Variants in FGF14 observed in about 807,000 individuals in gnomAD.
FGF14 encodes the protein fibroblast growth factor 14, also known as fibroblast growth factor homologous factor 4.
Under a neutral mutation model 25.5 loss-of-function variants are expected in FGF14, and 5 were observed. The observed-to-expected ratio is 0.20, with a 90% confidence interval of 0.10 to 0.41. The LOEUF is 0.41. Among genes scored for constraint, FGF14 ranks in the 10% least tolerant of loss-of-function variants. The pLI is 1.00. For synonymous variants in FGF14, 138 were observed against 118.3 expected, an observed-to-expected ratio of 1.17 and a Z score of -1.08; for missense variants, 222 against 320.1, an observed-to-expected ratio of 0.69 and a Z score of 2.34.
At chr13:102,259,710 T>C (rs769962079) in intron 1 of FGF14, among the ~76,000 whole-genome samples, 1 of 152,172 alleles carries the variant, frequency 6.6e-6, no homozygotes, top group Non-Finnish European at 1.5e-5. Flanking sequence ...ACATATGTTT[T>C]TTATATGAAT....
At chr13:102,218,684 G>A (rs1292292757) in intron 1 of FGF14, among the ~76,000 whole-genome samples, 2 of 151,564 alleles carry the variant, frequency 1.3e-5, no homozygotes, top group African/African-American at 4.9e-5. Flanking sequence ...TTTTCTTTTC[G>A]CCTGCATCTA....
chr13:102,068,951 C>T (rs1416562229), intron 1 of FGF14, among the ~76,000 whole-genome samples: 3 of 152,124 alleles, frequency 2.0e-5, no homozygotes, highest in Admixed American at 1.3e-4. Context: ...CTGGTGGGGA[C>T]GTGGAGAGTC....
intron 3 of FGF14, among the ~76,000 whole-genome samples, chr13:101,795,354 AAAAAG>A (rs1378198868): frequency 6.6e-6 from 1 of 152,136 alleles, no homozygotes; most frequent in East Asian, 1.9e-4. Flanking sequence ...AAGTATATTT[AAAAAG>A]AAAAGAAAAG....
At chr13:102,026,118 T>C (rs967635591) in intron 1 of FGF14, among the ~76,000 whole-genome samples, 2 of 152,042 alleles carry the variant, frequency 1.3e-5, no homozygotes, top group African/African-American at 4.8e-5. Flanking sequence ...AGTTCTCTTC[T>C]GTTCCTAGTC....
intron 1 of FGF14, among the ~76,000 whole-genome samples, chr13:102,067,983 T>C (rs2042974923): frequency 6.6e-6 from 1 of 152,064 alleles, no homozygotes; most frequent in African/African-American, 2.4e-5. Context: ...AGTGGAAACC[T>C]TACAGGACAG....
At chr13:101,741,453 C>T (rs918551225) in intron 3 of FGF14, among the ~76,000 whole-genome samples, 3 of 152,066 alleles carry the variant, frequency 2.0e-5, no homozygotes, top group Non-Finnish European at 4.4e-5. Flanking sequence ...CCATTATATT[C>T]CCAGTCAGTG....
chr13:102,349,128 G>C (rs372765246), intron 1 of FGF14, among the ~76,000 whole-genome samples: 1 of 152,116 alleles, frequency 6.6e-6, no homozygotes, highest in East Asian at 1.9e-4. Flanking sequence ...CAATTCACAG[G>C]AAAGCTCCCC....
At chr13:102,114,872 G>A (rs2045394672) in intron 1 of FGF14, among the ~76,000 whole-genome samples, 1 of 152,176 alleles carries the variant, frequency 6.6e-6, no homozygotes, top group South Asian at 2.1e-4. Context: ...TAAAGTTTCA[G>A]TCAAGATGAA....
intron 1 of FGF14, among the ~76,000 whole-genome samples, chr13:101,882,648 G>A (rs2045773870): frequency 6.6e-6 from 1 of 151,710 alleles, no homozygotes; most frequent in Non-Finnish European, 1.5e-5. Flanking sequence ...GAAAATAACT[G>A]CACATGGCAA....
At chr13:102,155,442 T>C (rs1198524889) in intron 1 of FGF14, among the ~76,000 whole-genome samples, 1 of 152,130 alleles carries the variant, frequency 6.6e-6, no homozygotes, top group African/African-American at 2.4e-5. Context: ...AAGGCAGAAA[T>C]AAAGATGTTC....
chr13:101,745,359 A>G (rs2036820159), intron 3 of FGF14, among the ~76,000 whole-genome samples: 2 of 152,068 alleles, frequency 1.3e-5, no homozygotes, highest in Non-Finnish European at 2.9e-5. Flanking sequence ...GCACATTATC[A>G]TCACTCAAAG....
chr13:102,145,234 G>C (rs2046806086), intron 1 of FGF14, among the ~76,000 whole-genome samples: 1 of 152,114 alleles, frequency 6.6e-6, no homozygotes, highest in African/African-American at 2.4e-5. Flanking sequence ...ATGGCAATTG[G>C]GTTTTTTTGG....
At chr13:102,093,315 T>G (rs1456680254) in intron 1 of FGF14, among the ~76,000 whole-genome samples, 1 of 152,184 alleles carries the variant, frequency 6.6e-6, no homozygotes, top group Non-Finnish European at 1.5e-5. Flanking sequence ...GTATCAAAAT[T>G]TATGTATATA....
intron 1 of FGF14, among the ~76,000 whole-genome samples, chr13:102,179,329 C>A (rs1292937504): frequency 1.3e-5 from 2 of 150,698 alleles, no homozygotes; most frequent in Non-Finnish European, 2.9e-5. Context: ...CTGAACCCCT[C>A]TTCAGTCACT....
At position 101,975,313 on chromosome 13, in the gene FGF14, C is replaced by T. The variant is rs909220589; in HGVS notation, c.209-100017G>A. ...CAGTGGGAGCCAGCACTAACCCCCT[C>T]GACTCCTCACATCAGTACCTTCAGC... On this transcript the variant is annotated intron_variant, in intron 1 of 4. Coordinates refer to the FGF14 transcript ENST00000376131. Among the ~76,000 whole-genome samples the T allele has an allele frequency of 3.3e-5, 5 of 152,136 alleles. No individual in the cohort carries two copies. In the East Asian group the frequency reaches 7.7e-4, roughly 24 times the overall value.
chr13:102,375,104 C>T (rs2058007744), intron 1 of FGF14, among the ~76,000 whole-genome samples: 1 of 152,074 alleles, frequency 6.6e-6, no homozygotes, highest in Non-Finnish European at 1.5e-5. Context: ...TGAGCCATAA[C>T]ATCTGGCCAA....
intron 1 of FGF14, among the ~76,000 whole-genome samples, chr13:102,030,381 A>G (rs1008290704): frequency 2.0e-5 from 3 of 151,986 alleles, no homozygotes; most frequent in South Asian, 4.1e-4. Context: ...GTTTGTGTAG[A>G]TATGGTTTTG....
intron 1 of FGF14, among the ~76,000 whole-genome samples, chr13:101,997,779 C>G (rs188833865): frequency 6.0e-4 from 91 of 152,272 alleles, no homozygotes; most frequent in South Asian, 1.0e-3. Context: ...TAGTAGGCCC[C>G]TAATAGAAGA....
At chr13:102,101,763 G>A (rs1255489458) in intron 1 of FGF14, among the ~76,000 whole-genome samples, 1 of 151,950 alleles carries the variant, frequency 6.6e-6, no homozygotes, top group Non-Finnish European at 1.5e-5. Context: ...GGAGTACAGT[G>A]GCATGATCTT....
Sources: allele counts gnomAD v4.1 joint callset (sites outside exome capture counted in the v4.1 genomes callset), GRCh38; gene constraint gnomAD v4.1.1; transcripts MANE v1.5; gene names NCBI Gene and HGNC (gene_info 2026-07-23, HGNC 2026-07-21).